The following NMUR1 variants were observed in gnomAD, a reference collection of about 807,000 sequenced individuals.
NMUR1 encodes the protein neuromedin-U receptor 1.
NMUR1 carries 16 observed loss-of-function variants against 18.8 expected under a neutral mutation model. The observed-to-expected ratio is 0.85, with a 90% confidence interval of 0.58 to 1.29. The LOEUF (loss-of-function observed/expected upper bound fraction) is 1.29, where lower values mean the gene tolerates loss of function less well. NMUR1 is among the 50% of genes most tolerant of loss of function. NMUR1 has a pLI of 0.00. For missense variants in NMUR1, 529 were observed against 580.3 expected (o/e 0.91, Z 0.91); for synonymous variants, 258 against 258.2 (o/e 1.00, Z 0.01).
rs1371387298 is a variant in NMUR1 at position 231,524,783 on chromosome 2, A to C, written c.*260T>G. The C allele has an allele frequency of 2.4e-6, 1 of 410,742 alleles. No individual in the cohort carries two copies. The highest frequency in any genetic ancestry group is 4.3e-6 in the Non-Finnish European group (1 of 231,238). The allele number at this position is 410,742 out of a possible 1,614,324, so 25.4% of individuals were successfully genotyped here. A position where few individuals can be genotyped will look rare whatever the true frequency, so the allele number is the denominator to read the frequency against. On this transcript the variant is annotated 3_prime_UTR_variant, in exon 3 of 3. Transcript: ENST00000305141. ...CCCCAGCTAACTGTGATATTTCTGCAGGGTAAGGATTTGAACTGGGGGAGT... is the reference window on the plus strand; with the variant it reads ...CCCCAGCTAACTGTGATATTTCTGCCGGGTAAGGATTTGAACTGGGGGAGT...
At chr2:231,525,968 G>GCACACACACATGCA (rs2047353073) in intron 2 of NMUR1, among the ~76,000 whole-genome samples, 1 of 142,782 alleles carries the variant, frequency 7.0e-6, no homozygotes, top group South Asian at 2.2e-4. Context: ...ACACACACAT[G>GCACACACACATGCA]CACACACACA....
chr2:231,528,203 C>A lies in NMUR1; in HGVS notation c.818G>T (p.Gly273Val). The A allele has an allele frequency of 6.2e-7, 1 of 1,609,178 alleles. No individual in the cohort carries two copies. Among genetic ancestry groups the A allele is most frequent in the Non-Finnish European group, 8.5e-7 (1 of 1,177,848 alleles). ...GTATCTGGACCTGGCTGCTGCAGAGCCCCTGCCCTTGGCCTCCTGCATGAG... is the reference window on the plus strand; with the variant it reads ...GTATCTGGACCTGGCTGCTGCAGAGACCCTGCCCTTGGCCTCCTGCATGAG... The part of the protein sequence containing the change: ...LLLMQEAKGR[G>V]SAAARSRYTC... Residue 273 changes from glycine to valine, a missense_variant, in exon 2 of 3, where the codon GGC (glycine) becomes GTC (valine). Gly to Val is a moderately radical substitution (Grantham distance 109). Coordinates refer to ENST00000305141, the MANE Select transcript of NMUR1 (RefSeq NM_006056.5).
chr2:231,521,969 T>TC (rs1553536855), downstream of NMUR1, among the ~76,000 whole-genome samples: 6 of 118,522 alleles, frequency 5.1e-5, no homozygotes, highest in African/African-American at 1.9e-4. Flanking sequence ...TTCTTTTTTT[T>TC]TCTCTTTTTT....
intron 2 of NMUR1, 45 bp from the exon 3 acceptor site, chr2:231,525,470 T>C: frequency 6.4e-7 from 1 of 1,555,058 alleles, no homozygotes; most frequent in Non-Finnish European, 8.7e-7. Context: ...CCGAGGCCCC[T>C]CAGCTGCCTT....
At chr2:231,525,634 C>T (rs1260897857) in intron 2 of NMUR1, among the ~76,000 whole-genome samples, 4 of 152,240 alleles carry the variant, frequency 2.6e-5, no homozygotes, top group African/African-American at 9.6e-5. Context: ...TGACTGTGGG[C>T]AATGGGGCAT....
intron 2 of NMUR1, among the ~76,000 whole-genome samples, chr2:231,527,205 A>G (rs1214798674): frequency 1.3e-5 from 2 of 152,134 alleles, no homozygotes; most frequent in African/African-American, 4.8e-5. Context: ...GTGGGGCATG[A>G]CCTAGGCCAC....
Position 231,525,033 on chromosome 2 carries a change from A to G in NMUR1, c.*10T>C, listed in dbSNP as rs3752762. On this transcript the variant is annotated 3_prime_UTR_variant, in exon 3 of 3. Transcript: ENST00000305141. ...TGGCCCCTCCAGGTGAAGCCACTTT[A>G]AGGCTCCACTCAGGATGGATCGGTC... is the stretch of plus-strand genomic sequence containing the variant. 0.3 allele frequency: 464,079 copies of G among 1,534,416 alleles called. 74,585 individuals carry two copies. The highest frequency in any genetic ancestry group is 0.51 in the East Asian group (22,361 of 44,214).
chr2:231,529,419 C>A (rs1257971728), intron 1 of NMUR1, among the ~76,000 whole-genome samples: 1 of 151,906 alleles, frequency 6.6e-6, no homozygotes, highest in Non-Finnish European at 1.5e-5. Flanking sequence ...GAGATTGTGC[C>A]ACCGGACTCC....
downstream of NMUR1, among the ~76,000 whole-genome samples, chr2:231,522,074 G>A (rs1390126689): frequency 6.7e-6 from 1 of 148,686 alleles, no homozygotes; most frequent in Admixed American, 6.8e-5. Flanking sequence ...CGACCTCCTG[G>A]GCTCAGGTGA....
At chr2:231,520,896 T>G (rs1013042163), downstream of NMUR1, among the ~76,000 whole-genome samples, 5 of 152,204 alleles carry the variant, frequency 3.3e-5, no homozygotes, top group Non-Finnish European at 7.3e-5. Context: ...TCTTGGACTT[T>G]CAATTTTCAA....
At chr2:231,521,961 C>CT (rs1331263219), downstream of NMUR1, among the ~76,000 whole-genome samples, 5 of 99,834 alleles carry the variant, frequency 5.0e-5, no homozygotes, top group African/African-American at 1.1e-4. Flanking sequence ...GGGCACCCTT[C>CT]TTTTTTTTTC....
downstream of NMUR1, among the ~76,000 whole-genome samples, chr2:231,520,592 A>G (rs2047296446): frequency 6.6e-6 from 1 of 152,212 alleles, no homozygotes; most frequent in Non-Finnish European, 1.5e-5. Flanking sequence ...CTCCCCCACA[A>G]GGCAACTCCT....
At chr2:231,528,063 G>T in intron 2 of NMUR1, 60 bp downstream of exon 2, 1 of 1,494,634 alleles carries the variant, frequency 6.7e-7, no homozygotes, top group South Asian at 1.3e-5. Flanking sequence ...CCAGGCCCCA[G>T]GAGCCCCAAA....
At chr2:231,522,408 T>G (rs2047313738), downstream of NMUR1, among the ~76,000 whole-genome samples, 1 of 151,934 alleles carries the variant, frequency 6.6e-6, no homozygotes, top group Admixed American at 6.6e-5. Flanking sequence ...GAAGCAGGCC[T>G]CTGGGAGTCC....
In NMUR1 at chr2:231,528,630, C is replaced by T. The variant is rs746861559; in HGVS notation, c.391G>A (p.Val131Ile). ...AGCGTGCGGAAATAGCAGCCACCAA[C>T]GCCCAGCAGGAAGGGGTAGTTGTGC... is the stretch of plus-strand genomic sequence containing the variant. ...MWHNYPFLLG[V>I]GGCYFRTLLF... is the part of the protein sequence containing the mutation. The change falls in exon 2 of 3, where the codon GTT (valine) becomes ATT (isoleucine). Residue 131 changes from valine to isoleucine, a missense_variant. Transcript: ENST00000305141. 1.4e-5 allele frequency: 23 copies of T among 1,614,122 alleles called. No homozygotes were observed. The South Asian group carries it at 1.8e-4, about 12-fold the overall frequency.
chr2:231,528,362 A>T lies in NMUR1; in HGVS notation c.659T>A (p.Met220Lys), dbSNP rs142535230. ...GTAGAGGGCCCGTGGGCGGACCAGCATGCAAACAGCTGAGTCTGGCACTGG... is the reference window on the plus strand; with the variant it reads ...GTAGAGGGCCCGTGGGCGGACCAGCTTGCAAACAGCTGAGTCTGGCACTGG... ...RGPVPDSAVC[M>K]LVRPRALYNM... The change falls in exon 2 of 3, where the codon ATG becomes AAG. Residue 220 changes from methionine to lysine, a missense_variant. Met to Lys is a moderately conservative substitution (Grantham distance 95). Transcript: ENST00000305141. 4.3e-6 allele frequency: 7 copies of T among 1,613,634 alleles called. No homozygotes were observed. Among genetic ancestry groups the T allele is most frequent in the Non-Finnish European group, 5.9e-6 (7 of 1,179,912 alleles).
chr2:231,527,106 T>C (rs1047084607), intron 2 of NMUR1, among the ~76,000 whole-genome samples: 1 of 151,976 alleles, frequency 6.6e-6, no homozygotes, highest in Non-Finnish European at 1.5e-5. Flanking sequence ...CTCCTCCCCT[T>C]CTCTGGGGGA....
At chr2:231,526,817 G>C (rs367802401) in intron 2 of NMUR1, among the ~76,000 whole-genome samples, 77 of 152,190 alleles carry the variant, frequency 5.1e-4, no homozygotes, top group African/African-American at 1.8e-3. Context: ...AGGTGGATGG[G>C]GCGGATCTTT....
In NMUR1 at chr2:231,523,866, C is replaced by G. The variant is rs894964524; in HGVS notation, c.*1177G>C. ...CGGCAGAACCCTCCACAGGGTCACTCCTTGCCCTTGGTTGGCCATGTCTCT... is the reference window on the plus strand; with the variant it reads ...CGGCAGAACCCTCCACAGGGTCACTGCTTGCCCTTGGTTGGCCATGTCTCT... On this transcript the variant is annotated 3_prime_UTR_variant, in exon 3 of 3. Transcript: ENST00000305141. The G allele has an allele frequency of 6.5e-6, 1 of 152,740 alleles. No individual in the cohort carries two copies. The highest frequency in any genetic ancestry group is 1.5e-5 in the Non-Finnish European group (1 of 68,092). The allele number at this position is 152,740 out of a possible 1,614,324, so 9.5% of individuals were successfully genotyped here.
Sources: allele counts gnomAD v4.1 joint callset (sites outside exome capture counted in the v4.1 genomes callset), GRCh38; gene constraint gnomAD v4.1.1; transcripts MANE v1.5; gene names NCBI Gene and HGNC (gene_info 2026-07-23, HGNC 2026-07-21).